The following USP34 variants were observed in gnomAD, a reference collection of about 807,000 sequenced individuals.
USP34 encodes the protein ubiquitin specific peptidase 34.
A neutral mutation model predicts 460.3 loss-of-function variants in USP34; 70 were observed. The ratio of observed to expected loss-of-function variants is 0.15; its 90% CI spans 0.13 to 0.19. The LOEUF (loss-of-function observed/expected upper bound fraction) is 0.19. Ranked by LOEUF, USP34 falls within the 10% of genes least tolerant of loss-of-function variation. The pLI, the probability that USP34 is intolerant of heterozygous loss-of-function variation, is 1.00. For missense variants in USP34, 3,985 were observed against 4,236.2 expected, an observed-to-expected ratio of 0.94 and a Z score of 1.65; for synonymous variants, 1,647 against 1,405.3, an observed-to-expected ratio of 1.17 and a Z score of -3.85.
At chr2:61,247,231 G>A (rs1019569493) in intron 49 of USP34, among the ~76,000 whole-genome samples, 58 of 152,136 alleles carry the variant, frequency 3.8e-4, no homozygotes, top group South Asian at 4.1e-4. Context: ...ACACAGAAAG[G>A]GAAAAGTAGA....
At chr2:61,343,486 AC>A in intron 16 of USP34, among the ~76,000 whole-genome samples, 1 of 152,304 alleles carries the variant, frequency 6.6e-6, no homozygotes. Flanking sequence ...GATTTCCTAT[AC>A]TTTTAGGTCC....
chr2:61,274,637 C>A (rs1433298498), intron 41 of USP34, among the ~76,000 whole-genome samples: 2 of 152,044 alleles, frequency 1.3e-5, no homozygotes, highest in Non-Finnish European at 2.9e-5. Flanking sequence ...AAAAATAATA[C>A]AAAATAAAAC....
intron 66 of USP34, among the ~76,000 whole-genome samples, chr2:61,221,244 G>A (rs1406564506): frequency 8.5e-5 from 13 of 152,086 alleles, no homozygotes; most frequent in Non-Finnish European, 1.9e-4. Context: ...TGTATTTCTA[G>A]GACTTCTAGT....
At chr2:61,434,899 T>C (rs1322441220) in intron 1 of USP34, among the ~76,000 whole-genome samples, 1 of 151,758 alleles carries the variant, frequency 6.6e-6, no homozygotes, top group Non-Finnish European at 1.5e-5. Flanking sequence ...ATATATAAAA[T>C]GCCAGAAAAA....
chr2:61,345,816 T>C (rs180857328), intron 15 of USP34, among the ~76,000 whole-genome samples: 15 of 152,294 alleles, frequency 9.8e-5, no homozygotes, highest in African/African-American at 2.4e-4. Context: ...TTTAATATTT[T>C]TGTAGAGACA....
chr2:61,230,634 G>A (rs1278726645), intron 58 of USP34, among the ~76,000 whole-genome samples: 1 of 152,104 alleles, frequency 6.6e-6, no homozygotes, highest in Non-Finnish European at 1.5e-5. Context: ...CCTGAGGTGA[G>A]GAGTTTGAGA....
chr2:61,329,553 A>T (rs1486979640), intron 20 of USP34, among the ~76,000 whole-genome samples: 1 of 152,226 alleles, frequency 6.6e-6, no homozygotes, highest in Non-Finnish European at 1.5e-5. Flanking sequence ...AGCTTGTAGA[A>T]TAAACTGTCA....
intron 32 of USP34, 108 bp from the exon 33 acceptor site, chr2:61,293,658 C>T: frequency 1.5e-6 from 1 of 688,390 alleles, no homozygotes; most frequent in Non-Finnish European, 2.4e-6. Context: ...CTTTTATTTA[C>T]ACTACTATTC....
At chr2:61,284,485 C>A (rs895237491) in intron 35 of USP34, among the ~76,000 whole-genome samples, 1 of 151,918 alleles carries the variant, frequency 6.6e-6, no homozygotes, top group African/African-American at 2.4e-5. Context: ...ATAAAGAATA[C>A]CAATAGGATT....
chr2:61,281,535 G>A (rs1174537815), intron 37 of USP34, among the ~76,000 whole-genome samples: 1 of 152,176 alleles, frequency 6.6e-6, no homozygotes, highest in Non-Finnish European at 1.5e-5. Context: ...GCTTGAACCA[G>A]GGAGGCAGAG....
intron 10 of USP34, among the ~76,000 whole-genome samples, chr2:61,358,668 T>C (rs1692180490): frequency 6.6e-6 from 1 of 152,158 alleles, no homozygotes; most frequent in Non-Finnish European, 1.5e-5. Flanking sequence ...GAAAGGAAGA[T>C]GTAAAACTAT....
chr2:61,267,443 A>ATT (rs1247110202), intron 41 of USP34, among the ~76,000 whole-genome samples: 4 of 142,764 alleles, frequency 2.8e-5, no homozygotes, highest in Admixed American at 7.0e-5. Flanking sequence ...TGGTTAGGAG[A>ATT]TTTTTTTTTT....
intron 2 of USP34, among the ~76,000 whole-genome samples, chr2:61,412,063 C>T (rs1347543371): frequency 6.6e-6 from 1 of 151,632 alleles, no homozygotes; most frequent in Admixed American, 6.6e-5. Context: ...GTGGCACATG[C>T]CTATAATCCC....
chr2:61,278,583 C>T (rs2103951141), intron 39 of USP34, 140 bp from the exon 40 acceptor site: 1 of 619,550 alleles, frequency 1.6e-6, no homozygotes, highest in South Asian at 2.5e-5. Flanking sequence ...AATACACCTA[C>T]TCTTTACTTA....
chr2:61,323,535 T>A (rs917877010), intron 21 of USP34, among the ~76,000 whole-genome samples: 52 of 125,026 alleles, frequency 4.2e-4, no homozygotes, highest in Middle Eastern at 4.3e-3. Context: ...AAAAAAAAAA[T>A]AGCCAGGTAT....
chr2:61,446,931 A>T (rs925527796), intron 1 of USP34, among the ~76,000 whole-genome samples: 2 of 152,096 alleles, frequency 1.3e-5, no homozygotes, highest in Admixed American at 1.3e-4. Flanking sequence ...CATCTTTCCA[A>T]TGTTGACACA....
chr2:61,259,259 A>AAAAT (rs573710906), intron 44 of USP34, among the ~76,000 whole-genome samples: 338 of 152,136 alleles, frequency 2.2e-3, no homozygotes, highest in South Asian at 8.1e-3. Context: ...ACTCTGTCTC[A>AAAAT]AAATAAATAA....
intron 27 of USP34, among the ~76,000 whole-genome samples, chr2:61,303,131 A>C (rs777287631): frequency 6.6e-6 from 1 of 152,162 alleles, no homozygotes; most frequent in East Asian, 1.9e-4. Flanking sequence ...CAGTGGCTCA[A>C]TCTCAGCTCA....
intron 48 of USP34, among the ~76,000 whole-genome samples, chr2:61,251,229 T>C (rs1335728490): frequency 6.6e-6 from 1 of 152,204 alleles, no homozygotes; most frequent in Non-Finnish European, 1.5e-5. Flanking sequence ...GACATAAATA[T>C]CTGAATACAA....
Sources: gnomAD v4.1 joint callset for allele counts (sites outside exome capture counted in the v4.1 genomes callset) on GRCh38, gnomAD v4.1.1 for gene constraint, MANE v1.5 for transcripts, NCBI Gene and HGNC (gene_info 2026-07-23, HGNC 2026-07-21) for gene names.